SGCZ: variants seen among roughly 807,000 people sequenced by gnomAD.
SGCZ encodes zeta-sarcoglycan.
SGCZ carries 40 observed loss-of-function variants against 41.3 expected under a neutral mutation model. That is an observed-to-expected ratio of 0.97 (90% CI 0.75 to 1.26). The LOEUF (loss-of-function observed/expected upper bound fraction) is 1.26. Among genes scored for constraint, SGCZ ranks in the 50% most tolerant of loss-of-function variants. The pLI, the probability that SGCZ is intolerant of heterozygous loss-of-function variation, is 0.00. For synonymous variants in SGCZ, 206 were observed against 137.5 expected, an observed-to-expected ratio of 1.50 and a Z score of -3.49; for missense variants, 552 against 369.8, an observed-to-expected ratio of 1.49 and a Z score of -4.04.
At chr8:14,219,774 G>C (rs1279426288) in intron 4 of SGCZ, among the ~76,000 whole-genome samples, 4 of 151,906 alleles carry the variant, frequency 2.6e-5, no homozygotes, top group African/African-American at 9.7e-5. Flanking sequence ...AATGAATTGT[G>C]CTATGAAGTT....
At chr8:14,824,422 T>G (rs1802219998) in intron 1 of SGCZ, among the ~76,000 whole-genome samples, 1 of 152,120 alleles carries the variant, frequency 6.6e-6, no homozygotes, top group Non-Finnish European at 1.5e-5. Context: ...TTTTCATGTC[T>G]ACTCCCCTAA....
intron 1 of SGCZ, among the ~76,000 whole-genome samples, chr8:14,924,778 TTAAA>T (rs1274334062): frequency 2.0e-5 from 3 of 152,110 alleles, no homozygotes; most frequent in African/African-American, 7.2e-5. Context: ...GTTTGATTTG[TTAAA>T]TAGTCATATT....
chr8:14,571,378 G>T (rs1804548004), intron 1 of SGCZ, among the ~76,000 whole-genome samples: 1 of 152,150 alleles, frequency 6.6e-6, no homozygotes, highest in South Asian at 2.1e-4. Flanking sequence ...TAATGTTGCT[G>T]TAATCAAACC....
intron 4 of SGCZ, among the ~76,000 whole-genome samples, chr8:14,170,952 A>T (rs1190500689): frequency 1.3e-5 from 2 of 152,058 alleles, no homozygotes; most frequent in African/African-American, 4.8e-5. Flanking sequence ...AAAAAAGGAT[A>T]ATAATCCTAG....
chr8:15,016,650 G>T (rs1171195095), intron 1 of SGCZ, among the ~76,000 whole-genome samples: 4 of 152,122 alleles, frequency 2.6e-5, no homozygotes, highest in African/African-American at 9.7e-5. Flanking sequence ...TCTTGCCCCA[G>T]TACGTTTGAT....
chr8:14,240,746 C>G (rs994378551), intron 3 of SGCZ, among the ~76,000 whole-genome samples: 1 of 152,156 alleles, frequency 6.6e-6, no homozygotes, highest in Non-Finnish European at 1.5e-5. Flanking sequence ...TCACTTCCAT[C>G]CACAAGTCAC....
chr8:14,987,578 T>C (rs1801865546), intron 1 of SGCZ, among the ~76,000 whole-genome samples: 1 of 151,968 alleles, frequency 6.6e-6, no homozygotes, highest in Non-Finnish European at 1.5e-5. Flanking sequence ...CTTATTAGTA[T>C]ACTTTCATCT....
chr8:15,076,849 G>A (rs754923051), intron 1 of SGCZ, among the ~76,000 whole-genome samples: 22 of 150,376 alleles, frequency 1.5e-4, no homozygotes, highest in African/African-American at 2.7e-4. Context: ...TCAAAGAGAG[G>A]GAAAAAAAAG....
At chr8:15,223,632 G>A (rs1563193255) in intron 1 of SGCZ, among the ~76,000 whole-genome samples, 1 of 152,160 alleles carries the variant, frequency 6.6e-6, no homozygotes, top group South Asian at 2.1e-4. Context: ...ATATTAACAA[G>A]GATGTAATAA....
chr8:14,963,037 G>C (rs375132596), intron 1 of SGCZ, among the ~76,000 whole-genome samples: 6 of 152,172 alleles, frequency 3.9e-5, no homozygotes, highest in African/African-American at 1.4e-4. Flanking sequence ...TGGACTGAAA[G>C]TTTGATTTTA....
Position 14,271,198 on chromosome 8 carries a change from T to TA in SGCZ, c.337-33520dup, listed in dbSNP as rs936534962. ...TGTACCGTAAAACTTAAAGTATAAT[T>TA]AAAAAAAAAAAGGAAATGATGTATA... is the stretch of plus-strand genomic sequence containing the variant. On this transcript the variant is annotated intron_variant, in intron 3 of 7. Transcript: ENST00000382080. Among the ~76,000 whole-genome samples, 715 of 144,560 alleles carry TA rather than the reference T, an allele frequency of 4.9e-3. 2 individuals are homozygous for TA. The highest frequency in any genetic ancestry group is 7.1e-3 in the Non-Finnish European group (463 of 65,446). The allele number at this position is 144,560 out of a possible 152,430, so 94.8% of individuals were successfully genotyped here. A position where few individuals can be genotyped will look rare whatever the true frequency, so the allele number is the denominator to read the frequency against.
intron 1 of SGCZ, among the ~76,000 whole-genome samples, chr8:14,852,463 T>A (rs1328208821): frequency 1.3e-5 from 2 of 152,216 alleles, no homozygotes; most frequent in Non-Finnish European, 2.9e-5. Context: ...ACTTATTATA[T>A]GTGATTGAGT....
intron 1 of SGCZ, among the ~76,000 whole-genome samples, chr8:15,212,890 T>C (rs951697475): frequency 1.5e-4 from 23 of 152,066 alleles, no homozygotes; most frequent in Non-Finnish European, 3.2e-4. Flanking sequence ...CTTCTATCTT[T>C]GGGGTAATGA....
At chr8:14,187,769 T>C (rs950590521) in intron 4 of SGCZ, among the ~76,000 whole-genome samples, 1 of 151,794 alleles carries the variant, frequency 6.6e-6, no homozygotes, top group Non-Finnish European at 1.5e-5. Context: ...GAAGAAAACA[T>C]TCAAAAAAGT....
chr8:14,802,008 T>C (rs1801335889), intron 1 of SGCZ, among the ~76,000 whole-genome samples: 1 of 152,144 alleles, frequency 6.6e-6, no homozygotes. Context: ...TTTTAAAATA[T>C]GGAAAAGAAA....
chr8:14,329,373 T>C (rs1585370655), intron 2 of SGCZ, among the ~76,000 whole-genome samples: 1 of 152,326 alleles, frequency 6.6e-6, no homozygotes, highest in South Asian at 2.1e-4. Flanking sequence ...GGTATATTTT[T>C]AATAGTTATT....
At chr8:15,033,311 A>T (rs1397441520) in intron 1 of SGCZ, among the ~76,000 whole-genome samples, 1 of 151,990 alleles carries the variant, frequency 6.6e-6, no homozygotes, top group African/African-American at 2.4e-5. Flanking sequence ...ACCAGTTCCC[A>T]CAGCCTCAGA....
intron 1 of SGCZ, among the ~76,000 whole-genome samples, chr8:14,974,745 T>A (rs1413402995): frequency 6.6e-6 from 1 of 151,736 alleles, no homozygotes; most frequent in African/African-American, 2.4e-5. Context: ...GAGGCACACA[T>A]CCTTTTGTGA....
intron 2 of SGCZ, among the ~76,000 whole-genome samples, chr8:14,344,098 G>C (rs1802806851): frequency 6.6e-6 from 1 of 152,122 alleles, no homozygotes; most frequent in South Asian, 2.1e-4. Flanking sequence ...GATGGGCACA[G>C]CGAGAGATTG....
Sources: gnomAD v4.1 joint callset for allele counts (sites outside exome capture counted in the v4.1 genomes callset) on GRCh38, gnomAD v4.1.1 for gene constraint, MANE v1.5 for transcripts, NCBI Gene and HGNC (gene_info 2026-07-23, HGNC 2026-07-21) for gene names.